VAMP7: variants seen among roughly 807,000 people sequenced by gnomAD.
The protein encoded by VAMP7 is vesicle associated membrane protein 7, also known as vesicle-associated membrane protein 7.
Under a neutral mutation model 29.6 loss-of-function variants are expected in VAMP7, and 14 were observed. The observed-to-expected ratio is 0.47, with a 90% CI of 0.31 to 0.74. The LOEUF (loss-of-function observed/expected upper bound fraction) is 0.74. VAMP7 is among the 30% of genes least tolerant of loss of function. The pLI, the probability that VAMP7 is intolerant of heterozygous loss-of-function variation, is 0.05. For missense variants in VAMP7, 223 were observed against 262.4 expected (o/e 0.85, Z 1.04); for synonymous variants, 95 against 88.1 (o/e 1.08, Z -0.44).
chrX:155,918,860 C>T (rs1172952445), intron 5 of VAMP7, among the ~76,000 whole-genome samples: 1 of 152,128 alleles, frequency 6.6e-6, no homozygotes, highest in Non-Finnish European at 1.5e-5. Flanking sequence ...ATTCTCTATT[C>T]TATTGATGGA....
intron 3 of VAMP7, 49 bp downstream of exon 3, chrX:155,895,729 A>G: frequency 6.5e-7 from 1 of 1,530,732 alleles, no homozygotes; most frequent in South Asian, 1.1e-5. Flanking sequence ...TACTGTTAAT[A>G]CAGCCAGTTC....
At chrX:155,908,644 G>T (rs1462159718) in intron 5 of VAMP7, among the ~76,000 whole-genome samples, 1 of 152,062 alleles carries the variant, frequency 6.6e-6, no homozygotes, top group Non-Finnish European at 1.5e-5. Context: ...GTAATGCTGG[G>T]CTCATAGAAT....
intron 5 of VAMP7, among the ~76,000 whole-genome samples, chrX:155,904,947 A>G (rs1459103723): frequency 6.7e-6 from 1 of 149,912 alleles, no homozygotes; most frequent in East Asian, 1.9e-4. Context: ...TTGCTTACAT[A>G]CCTAGGAATA....
At position 155,943,022 on chromosome X, in the gene VAMP7, A is replaced by G. The variant is rs1194814827; in HGVS notation, c.*1071A>G. ...TTGATGAATTCTTTTGTGAAACTTG[A>G]AAGAGAATAGACAGTATGACATATA... On this transcript the variant is annotated 3_prime_UTR_variant, in exon 8 of 8. Transcript: ENST00000286448. 1.3e-5 allele frequency: 2 copies of G among 151,550 alleles called. No homozygotes were observed. Among genetic ancestry groups the G allele is most frequent in the African/African-American group, 4.9e-5 (2 of 41,194 alleles). 9.4% of individuals were successfully genotyped at this position (151,550 alleles called of 1,614,324 possible). A position where few individuals can be genotyped will look rare whatever the true frequency, so the allele number is the denominator to read the frequency against.
intron 5 of VAMP7, among the ~76,000 whole-genome samples, chrX:155,915,146 G>T (rs1403391744): frequency 6.6e-6 from 1 of 152,136 alleles, no homozygotes; most frequent in African/African-American, 2.4e-5. Flanking sequence ...TAGTTTACTT[G>T]CATAGAGGTG....
chrX:155,900,682 T>C (rs947558213), intron 5 of VAMP7, 95 bp downstream of exon 5: 4 of 1,003,200 alleles, frequency 4.0e-6, no homozygotes, highest in African/African-American at 3.2e-5. Flanking sequence ...AAATAGCACT[T>C]CCTTATTCTT....
intron 5 of VAMP7, among the ~76,000 whole-genome samples, chrX:155,901,784 A>G (rs904295889): frequency 9.2e-5 from 14 of 152,150 alleles, no homozygotes; most frequent in African/African-American, 2.9e-4. Flanking sequence ...GCCTTGTAGT[A>G]TAGTTTGAAG....
intron 5 of VAMP7, among the ~76,000 whole-genome samples, chrX:155,915,178 A>G (rs2066293174): frequency 6.6e-6 from 1 of 152,042 alleles, no homozygotes; most frequent in Admixed American, 6.6e-5. Flanking sequence ...CTCTGATGGT[A>G]GTTTGTATTT....
chrX:155,930,679 A>T (rs1012492390), intron 6 of VAMP7, among the ~76,000 whole-genome samples: 3 of 150,294 alleles, frequency 2.0e-5, no homozygotes, highest in Non-Finnish European at 4.4e-5. Context: ...TTTTCTTTTA[A>T]TTCTTTTTTA....
At chrX:155,905,149 A>G (rs1222594357) in intron 5 of VAMP7, among the ~76,000 whole-genome samples, 2 of 151,910 alleles carry the variant, frequency 1.3e-5, no homozygotes, top group Middle Eastern at 3.2e-3. Flanking sequence ...TTTGATTTGC[A>G]TTTCCCTGAT....
intron 3 of VAMP7, among the ~76,000 whole-genome samples, chrX:155,896,476 GTT>G (rs1333572983): frequency 6.9e-6 from 1 of 144,012 alleles, no homozygotes; most frequent in African/African-American, 3.0e-5. Flanking sequence ...AGGTATGACT[GTT>G]TGTCGGCTCT....
intron 5 of VAMP7, among the ~76,000 whole-genome samples, chrX:155,913,468 A>G (rs1018995345): frequency 2.0e-5 from 3 of 152,092 alleles, no homozygotes; most frequent in Non-Finnish European, 4.4e-5. Context: ...CCTGAATGGT[A>G]TTGCCCAGGT....
intron 1 of VAMP7, among the ~76,000 whole-genome samples, chrX:155,881,990 A>G (rs1377721935): frequency 6.6e-6 from 1 of 152,120 alleles, no homozygotes; most frequent in Non-Finnish European, 1.5e-5. Flanking sequence ...TTAATGGCCA[A>G]TGTTTATCAA....
chrX:155,942,742 G>C lies in VAMP7; in HGVS notation c.*791G>C. 6.5e-6 allele frequency: 1 copy of C among 153,028 alleles called. No individual in the cohort carries two copies. The highest frequency in any genetic ancestry group is 3.4e-3 in the Middle Eastern group (1 of 294). 9.5% of individuals were successfully genotyped at this position (153,028 alleles called of 1,614,324 possible). On this transcript the variant is annotated 3_prime_UTR_variant, in exon 8 of 8. Coordinates refer to ENST00000286448, the MANE Select transcript of VAMP7 (RefSeq NM_005638.6). ...TGTGAATATTTAGGGCAATCGTGTC[G>C]CTAATAGAATATGTAGTAGAGGGGG... is the stretch of plus-strand genomic sequence containing the variant.
intron 6 of VAMP7, among the ~76,000 whole-genome samples, chrX:155,926,307 A>T (rs2066466015): frequency 6.6e-6 from 1 of 152,234 alleles, no homozygotes. Flanking sequence ...GTTGTTTAGT[A>T]TAGCCACCTT....
At position 155,943,675 on chromosome X, in the gene VAMP7, CTATT is replaced by C. The variant is rs1463715780; in HGVS notation, c.*1728_*1731del. The C allele has an allele frequency of 2.6e-5, 4 of 152,214 alleles. No individual in the cohort carries two copies. The highest frequency in any genetic ancestry group is 5.9e-5 in the Non-Finnish European group (4 of 68,000). 9.4% of individuals were successfully genotyped at this position (152,214 alleles called of 1,614,324 possible). On this transcript the variant is annotated 3_prime_UTR_variant, in exon 8 of 8. Transcript: ENST00000286448. ...ATCAATTACCTAACTGTTCCTTGGT[CTATT>C]TATGTATAAGAATGCTTTTTAAAGC...
intron 5 of VAMP7, among the ~76,000 whole-genome samples, chrX:155,903,413 C>T (rs150464305): frequency 0.015 from 2,254 of 152,218 alleles, 45 homozygotes; most frequent in Non-Finnish European, 0.017. Context: ...TCAGAGTGAA[C>T]AGACAACCTA....
chrX:155,888,432 C>T (rs2065890613), intron 1 of VAMP7, among the ~76,000 whole-genome samples: 2 of 152,142 alleles, frequency 1.3e-5, no homozygotes, highest in South Asian at 4.1e-4. Context: ...CAAGATGATT[C>T]GTATTCCCAC....
intron 6 of VAMP7, among the ~76,000 whole-genome samples, chrX:155,937,102 GA>G (rs913511934): frequency 5.3e-5 from 8 of 150,708 alleles, no homozygotes; most frequent in East Asian, 3.9e-4. Context: ...TCACAGAATA[GA>G]AAAAAAAATT....
Sources: allele counts gnomAD v4.1 joint callset (sites outside exome capture counted in the v4.1 genomes callset), GRCh38; gene constraint gnomAD v4.1.1; transcripts MANE v1.5; gene names NCBI Gene and HGNC (gene_info 2026-07-23, HGNC 2026-07-21).